NDUFA12: variants seen among roughly 807,000 people sequenced by gnomAD.
NDUFA12 encodes NADH:ubiquinone oxidoreductase subunit A12.
A neutral mutation model predicts 20.3 loss-of-function variants in NDUFA12; 17 were observed. That is an observed-to-expected ratio of 0.84 (90% confidence interval 0.57 to 1.26). The LOEUF (loss-of-function observed/expected upper bound fraction) is 1.26. Ranked by LOEUF, NDUFA12 falls within the 50% of genes most tolerant of loss-of-function variation. NDUFA12 has a pLI of 0.00. For missense variants in NDUFA12, 191 were observed against 183.7 expected (o/e 1.04, Z -0.23); for synonymous variants, 72 against 63.6 (o/e 1.13, Z -0.63).
intron 2 of NDUFA12, among the ~76,000 whole-genome samples, chr12:95,002,397 G>C (rs1402415213): frequency 4.9e-5 from 6 of 121,216 alleles, no homozygotes; most frequent in Non-Finnish European, 9.4e-5. Flanking sequence ...AGCCGAGATC[G>C]CGCTACTGCA....
intron 3 of NDUFA12, among the ~76,000 whole-genome samples, chr12:94,982,559 C>CAGTG (rs1565814571): frequency 1.3e-5 from 2 of 152,136 alleles, no homozygotes; most frequent in African/African-American, 4.8e-5. Context: ...TGAGCCACCA[C>CAGTG]GCCCGGCCCA....
intron 3 of NDUFA12, 141 bp from the exon 4 acceptor site, chr12:94,971,761 T>C (rs1362310651): frequency 3.2e-6 from 3 of 931,236 alleles, no homozygotes; most frequent in Admixed American, 3.4e-5. Flanking sequence ...AATTCTTCTA[T>C]GCCTTAGATT....
chr12:94,971,655 G>C (rs772401357), intron 3 of NDUFA12, 35 bp from the exon 4 acceptor site: 5 of 1,611,598 alleles, frequency 3.1e-6, no homozygotes, highest in Non-Finnish European at 3.4e-6. Context: ...CAGTTATGAA[G>C]AGGCAGTACA....
chr12:94,992,362 A>G (rs1874673081), intron 3 of NDUFA12, among the ~76,000 whole-genome samples: 1 of 152,218 alleles, frequency 6.6e-6, no homozygotes, highest in South Asian at 2.1e-4. Flanking sequence ...AGAGAGGTTA[A>G]GGAACTTGCT....
intron 2 of NDUFA12, among the ~76,000 whole-genome samples, chr12:95,002,050 T>C (rs1875058267): frequency 6.6e-6 from 1 of 151,698 alleles, no homozygotes; most frequent in African/African-American, 2.4e-5. Context: ...ATATGTGCAA[T>C]GTAAATTTTT....
chr12:95,000,214 G>T (rs1788712091), intron 2 of NDUFA12, among the ~76,000 whole-genome samples: 2 of 152,162 alleles, frequency 1.3e-5, no homozygotes, highest in Non-Finnish European at 2.9e-5. Context: ...TCTAAGTGAA[G>T]TAACTCAGGA....
chr12:94,981,883 G>A (rs1317702829), intron 3 of NDUFA12, among the ~76,000 whole-genome samples: 2 of 152,178 alleles, frequency 1.3e-5, no homozygotes, highest in Non-Finnish European at 2.9e-5. Context: ...TTGTACTGGT[G>A]GACTTAGCAG....
intron 2 of NDUFA12, among the ~76,000 whole-genome samples, chr12:94,995,064 C>T (rs2136070294): frequency 6.6e-6 from 1 of 152,280 alleles, no homozygotes; most frequent in South Asian, 2.1e-4. Context: ...AGTATTAATT[C>T]CTTCTACCCC....
rs544913304 is a variant in NDUFA12 at position 94,985,995 on chromosome 12, G to T, written c.257+8175C>A. Among the ~76,000 whole-genome samples the T allele has an allele frequency of 5.3e-5, 8 of 152,166 alleles. No homozygotes were observed. The South Asian group carries it at 1.7e-3, about 32-fold the overall frequency. On this transcript the variant is annotated intron_variant, in intron 3 of 3. Coordinates refer to ENST00000327772, the MANE Select transcript of NDUFA12 (RefSeq NM_018838.5). Reference sequence around the variant, plus strand: ...AGCTACTCAGGAGGCTGAGGCAGGAGAATCGCTTGAACCCGGGAGGCAGAG... The same window carrying T: ...AGCTACTCAGGAGGCTGAGGCAGGATAATCGCTTGAACCCGGGAGGCAGAG...
chr12:95,001,768 G>T (rs566878701), intron 2 of NDUFA12, among the ~76,000 whole-genome samples: 50 of 152,290 alleles, frequency 3.3e-4, no homozygotes, highest in African/African-American at 1.2e-3. Context: ...AGAGTGGCGG[G>T]ATCTGGGCTC....
chr12:94,994,742 C>CAT (rs1874761065), intron 2 of NDUFA12, among the ~76,000 whole-genome samples: 1 of 152,156 alleles, frequency 6.6e-6, no homozygotes, highest in Non-Finnish European at 1.5e-5. Context: ...AATAAGCAAA[C>CAT]ATTAGAAATG....
intron 2 of NDUFA12, among the ~76,000 whole-genome samples, chr12:94,999,021 G>T (rs2136072678): frequency 6.6e-6 from 1 of 152,226 alleles, no homozygotes; most frequent in Non-Finnish European, 1.5e-5. Flanking sequence ...AGCCCACACA[G>T]CCAAAGCAAT....
intron 3 of NDUFA12, among the ~76,000 whole-genome samples, chr12:94,982,745 C>T (rs1874285115): frequency 1.3e-5 from 2 of 152,116 alleles, no homozygotes; most frequent in Admixed American, 1.3e-4. Context: ...AGGGTCATGC[C>T]AGTTCTAAGA....
At chr12:94,977,309 CA>C (rs142400218) in intron 3 of NDUFA12, among the ~76,000 whole-genome samples, 5 of 152,008 alleles carry the variant, frequency 3.3e-5, no homozygotes, top group Admixed American at 3.3e-4. Context: ...CCTTCTCTCT[CA>C]AAAACAAAAA....
intron 3 of NDUFA12, among the ~76,000 whole-genome samples, chr12:94,975,796 C>T (rs952391694): frequency 6.6e-6 from 1 of 152,154 alleles, no homozygotes; most frequent in Admixed American, 6.5e-5. Flanking sequence ...CACCTGTAAT[C>T]CTAGCACTTC....
intron 3 of NDUFA12, chr12:94,971,920 TTTC>T (rs922775704): frequency 9.7e-6 from 4 of 410,430 alleles, no homozygotes; most frequent in Non-Finnish European, 1.8e-5. Context: ...TTTTCTTCGT[TTTC>T]TTTCTTTCTT....
chr12:95,001,506 T>C (rs1217608688), intron 2 of NDUFA12, among the ~76,000 whole-genome samples: 3 of 151,980 alleles, frequency 2.0e-5, no homozygotes, highest in South Asian at 2.1e-4. Flanking sequence ...CACATGCCTG[T>C]AATCCCAGCT....
chr12:94,985,626 C>CAAAAAA (rs35674364), intron 3 of NDUFA12, among the ~76,000 whole-genome samples: 5 of 43,568 alleles, frequency 1.1e-4, no homozygotes, highest in Non-Finnish European at 1.7e-4. Context: ...GACTCCATCT[C>CAAAAAA]AAAAAAAAAA....
chr12:94,994,101 G>T, intron 3 of NDUFA12, 69 bp downstream of exon 3: 1 of 1,397,314 alleles, frequency 7.2e-7, no homozygotes, highest in Non-Finnish European at 1.0e-6. Flanking sequence ...TCCAGCCTGG[G>T]TGACAGAGTG....
Sources: allele counts gnomAD v4.1 joint callset (sites outside exome capture counted in the v4.1 genomes callset), GRCh38; gene constraint gnomAD v4.1.1; transcripts MANE v1.5; gene names NCBI Gene and HGNC (gene_info 2026-07-23, HGNC 2026-07-21).